ASPM: variants seen among roughly 807,000 people sequenced by gnomAD.
ASPM encodes assembly factor for spindle microtubules, also known as abnormal spindle-like microcephaly-associated protein.
Under a neutral mutation model 366.4 loss-of-function variants are expected in ASPM, and 256 were observed. That is an observed-to-expected ratio of 0.70 (90% CI 0.63 to 0.77). The LOEUF is 0.77. ASPM is among the 30% of genes least tolerant of loss of function. The probability of loss-of-function intolerance (pLI) is 0.00; values close to 1 mark genes in which losing one functional copy is unlikely to be tolerated. For missense variants in ASPM, 4,146 were observed against 4,090.4 expected, an observed-to-expected ratio of 1.01 and a Z score of -0.37; for synonymous variants, 1,414 against 1,342.9, an observed-to-expected ratio of 1.05 and a Z score of -1.16.
In ASPM at chr1:197,124,272, T is replaced by C. The variant is rs760162358; in HGVS notation, c.3228A>G (p.Thr1076=). 3.7e-6 allele frequency: 6 copies of C among 1,606,944 alleles called. No individual in the cohort carries two copies. The Admixed American group carries it at 5.0e-5, about 13-fold the overall frequency. ...GAGATATTGTTTTCTTTATACTCTTTGTGTGTTTTAGAAAGGCAATTTCTT... is the reference window on the plus strand; with the variant it reads ...GAGATATTGTTTTCTTTATACTCTTCGTGTGTTTTAGAAAGGCAATTTCTT... The part of the protein sequence containing the change: ...LKEEIAFLKH[T]KSIKKTISLL... The change falls in exon 13 of 28, where the codon ACA becomes ACG. Residue 1076 remains threonine, a synonymous_variant. Coordinates refer to ENST00000367409, the MANE Select transcript of ASPM (RefSeq NM_018136.5).
intron 3 of ASPM, among the ~76,000 whole-genome samples, chr1:197,141,116 T>G (rs1658565241): frequency 6.6e-6 from 1 of 152,012 alleles, no homozygotes; most frequent in Non-Finnish European, 1.5e-5. Flanking sequence ...CCATTCCCCA[T>G]GCAAAACCCT....
chr1:197,103,944 C>T lies in ASPM; in HGVS notation c.5307G>A (p.Gln1769=), dbSNP rs746677747. 1.9e-6 allele frequency: 3 copies of T among 1,612,470 alleles called. No individual in the cohort carries two copies. Among genetic ancestry groups the T allele is most frequent in the Non-Finnish European group, 2.5e-6 (3 of 1,179,308 alleles). ...QSYFRMRKAR[Q]YYLKMYKAII... Reference sequence around the variant, plus strand: ...TTGCTTTATACATTTTCAGATAATACTGCCGAGCCTTTCTCATTCTGAAAT... The same window carrying T: ...TTGCTTTATACATTTTCAGATAATATTGCCGAGCCTTTCTCATTCTGAAAT... Residue 1769 remains glutamine, a synonymous_variant, in exon 18 of 28, where the codon CAG becomes CAA. Transcript: ENST00000367409.
At chr1:197,105,981 C>T (rs1320963978) in intron 17 of ASPM, among the ~76,000 whole-genome samples, 1 of 151,950 alleles carries the variant, frequency 6.6e-6, no homozygotes, top group East Asian at 1.9e-4. Context: ...TACAAACACT[C>T]CAAACATTGC....
chr1:197,095,951 T>G, intron 19 of ASPM, 47 bp downstream of exon 19: 1 of 1,483,722 alleles, frequency 6.7e-7, no homozygotes, highest in Non-Finnish European at 9.3e-7. Context: ...GACTTAGCTA[T>G]CACACACAAA....
chr1:197,141,277 C>T (rs1003035638), intron 3 of ASPM, among the ~76,000 whole-genome samples: 6 of 152,024 alleles, frequency 3.9e-5, no homozygotes, highest in Non-Finnish European at 7.4e-5. Flanking sequence ...TACTGAAACA[C>T]AGCCATACTC....
In ASPM at chr1:197,117,952, A is replaced by T. The variant is rs1657792242; in HGVS notation, c.3902T>A (p.Leu1301Ter). The change falls in exon 17 of 28, where the codon TTG becomes TAG. Residue 1301 changes from leucine to a stop codon, truncating the protein, a stop_gained. Coordinates refer to ENST00000367409, the MANE Select transcript of ASPM (RefSeq NM_018136.5). LOFTEE classifies it high-confidence loss of function. ...TTTTGCTAGAAAATTGATTACAGCC[A>T]ATTGAATAATTCTTGCAGCTTTCTC... ...EREKAARIIQ[L>*]AVINFLAKQR... The T allele has an allele frequency of 6.2e-7, 1 of 1,613,454 alleles. No homozygotes were observed. The highest frequency in any genetic ancestry group is 8.5e-7 in the Non-Finnish European group (1 of 1,179,690).
At chr1:197,095,790 T>G (rs995346859) in intron 19 of ASPM, among the ~76,000 whole-genome samples, 4 of 151,726 alleles carry the variant, frequency 2.6e-5, no homozygotes, top group African/African-American at 9.7e-5. Flanking sequence ...TTATATTAAT[T>G]AAAGGCTATG....
Position 197,102,838 on chromosome 1 carries a change from G to A in ASPM, c.6413C>T (p.Thr2138Ile), listed in dbSNP as rs777438934. 51 of 1,612,196 alleles carry A rather than the reference G, an allele frequency of 3.2e-5. No individual in the cohort carries two copies. The change falls in exon 18 of 28, where the codon ACA becomes ATA. Residue 2138 changes from threonine to isoleucine, a missense_variant. By Grantham distance (89) the Thr-to-Ile change is moderately conservative (BLOSUM62 -1). Transcript: ENST00000367409. ...KMHQSRISYHTMRKAAIVIQV... is the reference protein window; with the variant it reads ...KMHQSRISYHIMRKAAIVIQV... ...AATAACAATAGCTGCTTTTCTCATT[G>A]TATGGTAACTTATTCTTGACTGATG...
At chr1:197,133,618 A>G in intron 5 of ASPM, 23 bp from the exon 6 acceptor site, 1 of 1,607,256 alleles carries the variant, frequency 6.2e-7, no homozygotes, top group Non-Finnish European at 8.5e-7. Flanking sequence ...AAAAGAAAGA[A>G]TGTTTCTGGT....
chr1:197,094,161 A>C lies in ASPM; in HGVS notation c.9007T>G (p.Ser3003Ala), dbSNP rs1656887221. ...CATTTTCTCTGAATGATAATTGCTG[A>C]TGCTCTCACATTCAAAAACCTAAAA... The part of the protein sequence containing the change: ...ERTRFLNVRA[S>A]AIIIQRKWRA... Residue 3003 changes from serine (S) to alanine (A), a missense_variant, in exon 20 of 28, where the codon TCA (serine) becomes GCA (alanine). By Grantham distance (99) the Ser-to-Ala change is moderately conservative. Around this residue, in one of 3 missense-constraint regions of ASPM, gnomAD observed 3,624 missense variants for 3,591.7 expected, o/e 1.01. Transcript: ENST00000367409. 1 of 1,605,580 alleles carries C rather than the reference A, an allele frequency of 6.2e-7. No homozygotes were observed. The highest frequency in any genetic ancestry group is 1.3e-5 in the African/African-American group (1 of 74,640).
chr1:197,145,066 C>T (rs937999809), intron 1 of ASPM, among the ~76,000 whole-genome samples: 3 of 151,448 alleles, frequency 2.0e-5, no homozygotes, highest in Admixed American at 6.6e-5. Flanking sequence ...AACAGAGGGG[C>T]GGGGTGGGTA....
intron 27 of ASPM, among the ~76,000 whole-genome samples, chr1:197,084,707 T>C (rs563679876): frequency 2.6e-5 from 4 of 152,320 alleles, no homozygotes; most frequent in African/African-American, 9.6e-5. Flanking sequence ...GTCTTATTCC[T>C]TGTAAACCTG....
intron 16 of ASPM, among the ~76,000 whole-genome samples, chr1:197,118,615 A>G (rs1237855388): frequency 6.6e-6 from 1 of 152,138 alleles, no homozygotes; most frequent in Non-Finnish European, 1.5e-5. Context: ...CTGATAATAA[A>G]TTGCTGTAAA....
In ASPM at chr1:197,129,268, C is replaced by G. The variant is rs755211990; in HGVS notation, c.2679G>C (p.Leu893Phe). The change falls in exon 9 of 28, where the codon TTG becomes TTC. Residue 893 changes from leucine (L) to phenylalanine (F), a missense_variant. By Grantham distance (22) the Leu-to-Phe change is conservative. Coordinates refer to ENST00000367409, the MANE Select transcript of ASPM (RefSeq NM_018136.5). The part of the protein sequence containing the change: ...SKFTLKKLLL[L>F]VCFLDYAKIS... ...TTTTAGCATAATCAAGAAAACAGAC[C>G]AACAACAATAACTTTTTCAATGTAA... 2 of 1,612,488 alleles carry G rather than the reference C, an allele frequency of 1.2e-6. No individual in the cohort carries two copies. Among genetic ancestry groups the G allele is most frequent in the Non-Finnish European group, 1.7e-6 (2 of 1,178,936 alleles).
chr1:197,125,314 C>T (rs927268400), intron 10 of ASPM, 123 bp from the exon 11 acceptor site: 23 of 1,168,604 alleles, frequency 2.0e-5, no homozygotes, highest in Non-Finnish European at 2.7e-5. Flanking sequence ...ATCAGAAAGA[C>T]TTCAAAAAAC....
Position 197,100,837 on chromosome 1 carries a change from CAAGCAAGGCCAG to C in ASPM, c.8402_8413del (p.Ser2801_Ala2804del). The C allele has an allele frequency of 6.2e-7, 1 of 1,612,596 alleles. No individual in the cohort carries two copies. Among genetic ancestry groups the C allele is most frequent in the Non-Finnish European group, 8.5e-7 (1 of 1,179,104 alleles). Reference sequence around the variant, plus strand: ...AGAATGATACTCTGCTTCCTGTGAACAAGCAAGGCCAGAAGCTTTATACCACTCTTGAATCAT... The same window carrying C: ...AGAATGATACTCTGCTTCCTGTGAACAAGCTTTATACCACTCTTGAATCAT... On this transcript the variant is annotated inframe_deletion, in exon 18 of 28. Coordinates refer to ENST00000367409, the MANE Select transcript of ASPM (RefSeq NM_018136.5).
Position 197,090,895 on chromosome 1 carries a change from G to A in ASPM, c.9591C>T (p.Leu3197=). Residue 3197 remains leucine, a synonymous_variant, in exon 23 of 28, where the codon CTC becomes CTT. Transcript: ENST00000367409. ...TAGTGAATTTTTCCTGCTTTTTACGGAGGAGAAAATGGCGCACTGCTTTCT... is the reference window on the plus strand; with the variant it reads ...TAGTGAATTTTTCCTGCTTTTTACGAAGGAGAAAATGGCGCACTGCTTTCT... ...VIQKAVRHFL[L]RKKQEKFTSG... 1.2e-6 allele frequency: 2 copies of A among 1,613,194 alleles called. No individual in the cohort carries two copies. Among genetic ancestry groups the A allele is most frequent in the Non-Finnish European group, 1.7e-6 (2 of 1,179,514 alleles).
chr1:197,091,085 T>G (rs746549782), intron 22 of ASPM, 44 bp from the exon 23 acceptor site: 1 of 1,458,594 alleles, frequency 6.9e-7, no homozygotes, highest in Non-Finnish European at 9.5e-7. Flanking sequence ...TACTTCAGGT[T>G]TTTTTAAAAA....
chr1:197,128,163 CAA>C (rs76055388), intron 10 of ASPM, among the ~76,000 whole-genome samples: 3 of 119,560 alleles, frequency 2.5e-5, no homozygotes, highest in African/African-American at 3.1e-5. Flanking sequence ...GACTCCGTCT[CAA>C]AAAAAAAAAA....
Sources: gnomAD v4.1 joint callset for allele counts (sites outside exome capture counted in the v4.1 genomes callset) on GRCh38, gnomAD v4.1.1 for gene constraint, gnomAD v4.1.1 regional missense constraint, MANE v1.5 for transcripts, NCBI Gene and HGNC (gene_info 2026-07-23, HGNC 2026-07-21) for gene names.